The following CELF2 variants were observed in gnomAD, a reference collection of about 807,000 sequenced individuals.
CELF2 encodes the protein CUG triplet repeat RNA-binding protein 2.
In CELF2, 8 loss-of-function variants were observed where a neutral mutation model predicts 62.6. The ratio of observed to expected loss-of-function variants is 0.13; its 90% confidence interval spans 0.07 to 0.23. The LOEUF is 0.23. CELF2 is among the 10% of genes least tolerant of loss of function. The probability of loss-of-function intolerance (pLI) is 1.00; values close to 1 mark genes in which losing one functional copy is unlikely to be tolerated. For synonymous variants in CELF2, 258 were observed against 250.0 expected (o/e 1.03, Z -0.30); for missense variants, 333 against 671.0 (o/e 0.50, Z 5.56).
rs1564330307 is a variant in CELF2 at position 10,995,366 on chromosome 10, T to C, written c.89+75367T>C. On this transcript the variant is annotated intron_variant, in intron 2 of 13. Transcript: ENST00000636488. This position sits in a 1 kb window ranked among gnomAD's most constrained non-coding sequence, Gnocchi z 4.7. The stretch of plus-strand genomic sequence containing the variant: ...TCATATGTTCAGCCAGCCAGTATTT[T>C]TGAGCACCTATTTTTATGCTTGGTG... 6.6e-6 allele frequency among the ~76,000 whole-genome samples: 1 copy of C among 152,208 alleles called. No individual in the cohort carries two copies. The highest frequency in any genetic ancestry group is 2.4e-5 in the African/African-American group (1 of 41,458).
chr10:11,239,946 G>T (rs184029951), intron 3 of CELF2, among the ~76,000 whole-genome samples: 1 of 152,104 alleles, frequency 6.6e-6, no homozygotes, highest in Non-Finnish European at 1.5e-5. Context: ...CCAGCTATTC[G>T]GGAGGCTAAG....
intron 1 of CELF2, among the ~76,000 whole-genome samples, chr10:11,160,645 CAAA>C (rs35755036): frequency 2.0e-4 from 19 of 96,862 alleles, no homozygotes; most frequent in Admixed American, 3.1e-4. Context: ...TCCCAAGGAT[CAAA>C]AAAAAAAAAA....
At position 11,314,537 on chromosome 10, in the gene CELF2, C is replaced by T; in HGVS notation, c.1096+279C>T. 1 of 475,812 alleles carries T rather than the reference C, an allele frequency of 2.1e-6. No individual in the cohort carries two copies. Among genetic ancestry groups the T allele is most frequent in the Non-Finnish European group, 3.9e-6 (1 of 256,750 alleles). 29.5% of individuals were successfully genotyped at this position (475,812 alleles called of 1,614,324 possible). On this transcript the variant is annotated intron_variant, in intron 10 of 12. Transcript: ENST00000633077. The surrounding 1 kb of genome is among the most constrained non-coding windows in gnomAD (Gnocchi z 5.3). ...GTGGCTGGCAGCTCTTTTCAGGTTTCCAGGAGTTTGGTTTGGTTTGGTTTC... is the reference window on the plus strand; with the variant it reads ...GTGGCTGGCAGCTCTTTTCAGGTTTTCAGGAGTTTGGTTTGGTTTGGTTTC...
chr10:10,876,232 C>A (rs1398598297), intron 1 of CELF2, among the ~76,000 whole-genome samples: 1 of 152,086 alleles, frequency 6.6e-6, no homozygotes, highest in Non-Finnish European at 1.5e-5. Context: ...GGAGAAATAC[C>A]TTCCCCTATA....
At chr10:11,203,466 A>G (rs1464378096) in intron 2 of CELF2, among the ~76,000 whole-genome samples, 6 of 152,188 alleles carry the variant, frequency 3.9e-5, no homozygotes, top group African/African-American at 1.4e-4. Context: ...TGGAAAGCCA[A>G]GCATTCTCTT....
At chr10:10,889,815 G>C (rs2062007056) in intron 1 of CELF2, among the ~76,000 whole-genome samples, 3 of 152,152 alleles carry the variant, frequency 2.0e-5, no homozygotes, top group Admixed American at 1.3e-4. Context: ...TTCCAAAGTA[G>C]CACAACTTAA....
chr10:10,561,757 G>C, the CELF2 span, among the ~76,000 whole-genome samples: 32 of 152,174 alleles, frequency 2.1e-4, no homozygotes, highest in African/African-American at 7.5e-4. Flanking sequence ...ACATATCTGA[G>C]ATCCTCCCAC....
chr10:10,792,366 G>A, the CELF2 span: 2 of 398,128 alleles, frequency 5.0e-6, no homozygotes, highest in East Asian at 3.6e-5. Context: ...ATAATGGAAG[G>A]CCTACCTTTT....
intron 2 of CELF2, chr10:10,923,202 A>T (rs1279560656): frequency 2.2e-4 from 33 of 152,226 alleles, no homozygotes; most frequent in Admixed American, 2.2e-3. Context: ...GCACTTAGTC[A>T]TAAAGGTGCG....
intron 2 of CELF2, among the ~76,000 whole-genome samples, chr10:11,213,624 G>A (rs990927106): frequency 6.6e-6 from 1 of 152,160 alleles, no homozygotes; most frequent in Non-Finnish European, 1.5e-5. Context: ...TTAAGTGATA[G>A]GTGGATAAAA....
the CELF2 span, among the ~76,000 whole-genome samples, chr10:10,543,366 C>T: frequency 6.6e-6 from 1 of 152,162 alleles, no homozygotes; most frequent in Non-Finnish European, 1.5e-5. Flanking sequence ...GGTTAACCTA[C>T]CTGGTCAACC....
chr10:10,468,980 A>G, the CELF2 span, among the ~76,000 whole-genome samples: 1 of 151,944 alleles, frequency 6.6e-6, no homozygotes, highest in Admixed American at 6.6e-5. Flanking sequence ...GACGTTTTAT[A>G]AAAAGTTAGT....
chr10:10,989,533 C>T (rs532901713), intron 2 of CELF2, among the ~76,000 whole-genome samples: 5 of 152,080 alleles, frequency 3.3e-5, no homozygotes, highest in East Asian at 1.9e-4. Context: ...CTTCACCTTA[C>T]ACCATGAACC....
At chr10:11,081,721 T>C (rs61830424) in intron 1 of CELF2, among the ~76,000 whole-genome samples, 13,656 of 152,310 alleles carry the variant, frequency 0.09, 1,296 homozygotes, top group African/African-American at 0.24. Flanking sequence ...TTCTCTGGCA[T>C]ACTTGACACA....
At chr10:11,063,539 A>AAGC (rs1439304554) in intron 1 of CELF2, among the ~76,000 whole-genome samples, 1 of 152,228 alleles carries the variant, frequency 6.6e-6, no homozygotes, top group African/African-American at 2.4e-5. Flanking sequence ...TTTTAAGTTA[A>AAGC]AGCATCATAA....
Position 11,270,729 on chromosome 10 carries a change from C to T in CELF2, c.682C>T (p.Leu228Phe), listed in dbSNP as rs1414596592. The T allele has an allele frequency of 1.3e-6, 2 of 1,566,196 alleles. No homozygotes were observed. The highest frequency in any genetic ancestry group is 1.7e-6 in the Non-Finnish European group (2 of 1,152,498). The change falls in exon 7 of 13, where the codon CTC becomes TTC. Residue 228 changes from leucine to phenylalanine, a missense_variant. This residue lies in a region of CELF2 where 253 missense variants were observed against 503.0 expected (regional missense o/e 0.50). Transcript: ENST00000633077. This position sits in a 1 kb window ranked among gnomAD's most constrained non-coding sequence, Gnocchi z 5.8. ...TCAGAAGGACAAAGAGCAAAGGCGC[C>T]TCCAGCAGCAGCTCGCTCAGCAGAT... ...DTQKDKEQRR[L>F]QQQLAQQMQQ...
At chr10:10,724,109 G>A in the CELF2 span, among the ~76,000 whole-genome samples, 1 of 152,146 alleles carries the variant, frequency 6.6e-6, no homozygotes, top group East Asian at 1.9e-4. Flanking sequence ...TGTAACCATT[G>A]TAAATCACCT....
the CELF2 span, among the ~76,000 whole-genome samples, chr10:10,793,257 T>C: frequency 0.28 from 42,530 of 151,992 alleles, 6,540 homozygotes; most frequent in East Asian, 0.52. Context: ...GAGCAAAACA[T>C]GAAAGCACTT....
chr10:11,241,113 G>T (rs747762631), intron 3 of CELF2, among the ~76,000 whole-genome samples: 7 of 152,208 alleles, frequency 4.6e-5, no homozygotes, highest in African/African-American at 7.2e-5. Flanking sequence ...CTTCCTCTGT[G>T]TTGACAGCAG....
Sources: allele counts gnomAD v4.1 joint callset (sites outside exome capture counted in the v4.1 genomes callset), GRCh38; gene constraint gnomAD v4.1.1; regional missense constraint gnomAD v4.1.1; non-coding constraint Gnocchi (gnomAD v3.1); transcripts MANE v1.5; gene names NCBI Gene and HGNC (gene_info 2026-07-23, HGNC 2026-07-21).